SMARCC2: variants seen among roughly 807,000 people sequenced by gnomAD.
The protein encoded by SMARCC2 is SWI/SNF complex subunit SMARCC2.
SMARCC2 carries 15 observed loss-of-function variants against 151.3 expected under a neutral mutation model. The ratio of observed to expected loss-of-function variants is 0.10; its 90% CI spans 0.07 to 0.15. The LOEUF (loss-of-function observed/expected upper bound fraction) is 0.15, where lower values mean the gene tolerates loss of function less well. SMARCC2 is among the 10% of genes least tolerant of loss of function. The pLI, the probability that SMARCC2 is intolerant of heterozygous loss-of-function variation, is 1.00. For synonymous variants in SMARCC2, 590 were observed against 609.5 expected (o/e 0.97, Z 0.47); for missense variants, 1,031 against 1,599.7 (o/e 0.64, Z 6.06).
chr12:56,166,187 G>A (rs985701715), intron 26 of SMARCC2, among the ~76,000 whole-genome samples: 1 of 152,068 alleles, frequency 6.6e-6, no homozygotes, highest in African/African-American at 2.4e-5. Context: ...TGTCACCCAG[G>A]CTGGAGTACA....
intron 23 of SMARCC2, 89 bp downstream of exon 23, chr12:56,170,055 C>A: frequency 1.4e-6 from 2 of 1,431,116 alleles, no homozygotes; most frequent in Non-Finnish European, 2.0e-6. Context: ...CCAAAACCAG[C>A]CCTTGCCCAC....
chr12:56,170,039 C>T (rs1247146168), intron 23 of SMARCC2, 105 bp downstream of exon 23: 4 of 1,435,094 alleles, frequency 2.8e-6, no homozygotes, highest in African/African-American at 2.8e-5. Context: ...TAGGAGACAA[C>T]CCCGTCCAAA....
At chr12:56,187,988 T>C (rs942188728) in intron 1 of SMARCC2, among the ~76,000 whole-genome samples, 5 of 152,236 alleles carry the variant, frequency 3.3e-5, no homozygotes, top group Non-Finnish European at 5.9e-5. Context: ...AGTAGCATCC[T>C]AGCCTTCCAT....
Position 56,181,052 on chromosome 12 carries a change from GCTC to G in SMARCC2, c.1003_1005del (p.Glu335del). ...TCCATGTCCTTTGTCAGGTCTTCTT[GCTC>G]CTCTTCTCTGTGGCCACGCTTTGAC... On this transcript the variant is annotated inframe_deletion, in exon 11 of 29. Transcript: ENST00000550164. 1 of 1,613,938 alleles carries G rather than the reference GCTC, an allele frequency of 6.2e-7. No homozygotes were observed. The highest frequency in any genetic ancestry group is 8.5e-7 in the Non-Finnish European group (1 of 1,179,906).
rs530350228 is a variant in SMARCC2 at position 56,170,109 on chromosome 12, C to G, written c.2412+35G>C. The stretch of plus-strand genomic sequence containing the variant: ...ACTTCCCCATCACCACAGTGCTGCA[C>G]GCAGCCCCTGCAGCTTCCAGAAATC... On this transcript the variant is annotated intron_variant, in intron 23 of 28. Transcript: ENST00000550164. The G allele has an allele frequency of 1.4e-4, 227 of 1,570,446 alleles. No individual in the cohort carries two copies. In the East Asian group the frequency reaches 5.0e-3, roughly 35 times the overall value.
intron 5 of SMARCC2, 38 bp downstream of exon 5, chr12:56,184,806 A>T (rs1451502862): frequency 8.2e-7 from 1 of 1,215,680 alleles, no homozygotes; most frequent in Non-Finnish European, 1.2e-6. Flanking sequence ...GAAAACAGTC[A>T]TGGAGTTTCT....
intron 7 of SMARCC2, 93 bp from the exon 8 acceptor site, chr12:56,182,172 G>T: frequency 1.2e-6 from 1 of 829,954 alleles, no homozygotes; most frequent in Non-Finnish European, 1.9e-6. Flanking sequence ...TTTACAGAAA[G>T]TATTGGGTTC....
chr12:56,186,547 T>A (rs1194049152), intron 2 of SMARCC2: 2 of 321,830 alleles, frequency 6.2e-6, no homozygotes, highest in East Asian at 1.7e-4. Flanking sequence ...ACGGGGTTTC[T>A]CCATGTTGGT....
At position 56,162,394 on chromosome 12, in the gene SMARCC2, AAAAG is replaced by A. The variant is rs577354478; in HGVS notation, c.*1291_*1294del. 2.4e-3 allele frequency: 1,569 copies of A among 647,948 alleles called. 18 individuals carry two copies. Among genetic ancestry groups the A allele is most frequent in the African/African-American group, 0.022 (1,180 of 54,232 alleles). 40.1% of individuals were successfully genotyped at this position (647,948 alleles called of 1,614,324 possible). On this transcript the variant is annotated 3_prime_UTR_variant, in exon 29 of 29. Transcript: ENST00000550164. ...AGCAAATTAATTTATAAAAAAAAAA[AAAAG>A]AAAGAAAGAAAAAAAGAGAAAATTT...
At chr12:56,180,942 G>T (rs567868533) in intron 11 of SMARCC2, 35 bp downstream of exon 11, 12 of 1,588,380 alleles carry the variant, frequency 7.6e-6, no homozygotes, top group Non-Finnish European at 1.0e-5. Context: ...GACGGGGAGT[G>T]GGGGTGGATC....
chr12:56,186,268 T>A, intron 2 of SMARCC2, 28 bp from the exon 3 acceptor site: 1 of 1,404,210 alleles, frequency 7.1e-7, no homozygotes, highest in Non-Finnish European at 1.0e-6. Flanking sequence ...GGAAAAAGCA[T>A]GTCAAGGTTC....
At chr12:56,174,247 C>A (rs569221449) in intron 16 of SMARCC2, among the ~76,000 whole-genome samples, 3 of 152,234 alleles carry the variant, frequency 2.0e-5, no homozygotes, top group Admixed American at 6.5e-5. Flanking sequence ...GTCACTAAGA[C>A]CACAGGCACG....
intron 23 of SMARCC2, 65 bp downstream of exon 23, chr12:56,170,079 G>C (rs1270280625): frequency 5.3e-6 from 8 of 1,512,632 alleles, no homozygotes; most frequent in African/African-American, 1.4e-5. Flanking sequence ...AGCTGAACAA[G>C]GCCAACTTCC....
chr12:56,163,789 CAGTT>C (rs563607198), intron 28 of SMARCC2, 24 bp from the exon 29 acceptor site: 73 of 1,475,734 alleles, frequency 4.9e-5, no homozygotes, highest in Non-Finnish European at 6.4e-5. Context: ...GAAGATAAAT[CAGTT>C]AGAGTACGCC....
chr12:56,177,770 G>A (rs1875319434), intron 15 of SMARCC2, among the ~76,000 whole-genome samples: 1 of 152,196 alleles, frequency 6.6e-6, no homozygotes, highest in African/African-American at 2.4e-5. Context: ...AAGAAGTTGA[G>A]GCACTGGAGT....
At chr12:56,175,305 C>G (rs1807274806) in intron 15 of SMARCC2, among the ~76,000 whole-genome samples, 1 of 152,170 alleles carries the variant, frequency 6.6e-6, no homozygotes, top group Non-Finnish European at 1.5e-5. Flanking sequence ...GCCACTGCAC[C>G]TAGCCATTTT....
intron 1 of SMARCC2, 102 bp from the exon 2 acceptor site, chr12:56,187,408 G>C (rs1375774866): frequency 9.0e-7 from 1 of 1,111,908 alleles, no homozygotes; most frequent in Non-Finnish European, 1.3e-6. Flanking sequence ...GTGGAGCAAA[G>C]AAAATAGTGC....
At chr12:56,183,775 A>G in intron 7 of SMARCC2, 86 bp downstream of exon 7, 3 of 828,244 alleles carry the variant, frequency 3.6e-6, no homozygotes, top group Non-Finnish European at 5.9e-6. Flanking sequence ...ATAACTCTGA[A>G]AGAGTGGCCT....
chr12:56,169,842 C>T lies in SMARCC2; in HGVS notation c.2482G>A (p.Asp828Asn). 6.2e-7 allele frequency: 1 copy of T among 1,614,098 alleles called. No homozygotes were observed. Among genetic ancestry groups the T allele is most frequent in the Non-Finnish European group, 8.5e-7 (1 of 1,179,982 alleles). ...TCGCCTTCTTTCCCTTTCTCCTCAT[C>T]CTTCTTGGGAGCCTCGCTGGTTTTC... Reference protein sequence around the residue: ...KEKTSEAPKKDEEKGKEGDSE... With the variant: ...KEKTSEAPKKNEEKGKEGDSE... Residue 828 changes from aspartate to asparagine, a missense_variant, in exon 24 of 29, where the codon GAT becomes AAT. By Grantham distance (23) the Asp-to-Asn change is conservative. This residue lies in a region of SMARCC2 where 119 missense variants were observed against 184.2 expected (regional missense o/e 0.65). Coordinates refer to ENST00000550164, the MANE Select transcript of SMARCC2 (RefSeq NM_001330288.2).
Sources: allele counts gnomAD v4.1 joint callset (sites outside exome capture counted in the v4.1 genomes callset), GRCh38; gene constraint gnomAD v4.1.1; regional missense constraint gnomAD v4.1.1; transcripts MANE v1.5; gene names NCBI Gene and HGNC (gene_info 2026-07-23, HGNC 2026-07-21).